SPTLC2: variants seen among roughly 807,000 people sequenced by gnomAD.
The protein encoded by SPTLC2 is serine palmitoyltransferase 2.
Under a neutral mutation model 62.0 loss-of-function variants are expected in SPTLC2, and 21 were observed. That is an observed-to-expected ratio of 0.34 (90% CI 0.24 to 0.49). SPTLC2 has a LOEUF of 0.49. Among genes scored for constraint, SPTLC2 ranks in the 20% least tolerant of loss-of-function variants. The pLI is 0.99. For synonymous variants in SPTLC2, 261 were observed against 261.8 expected, an observed-to-expected ratio of 1.00 and a Z score of 0.03; for missense variants, 511 against 713.0, an observed-to-expected ratio of 0.72 and a Z score of 3.23.
Position 77,557,135 on chromosome 14 carries a change from G to C in SPTLC2, c.862C>G (p.Leu288Val). The C allele has an allele frequency of 6.2e-7, 1 of 1,613,342 alleles. No individual in the cohort carries two copies. The change falls in exon 7 of 12, where the codon CTA (leucine) becomes GTA (valine). Residue 288 changes from leucine (L) to valine (V), a missense_variant. Leu to Val is a conservative substitution (Grantham distance 32). Coordinates refer to ENST00000216484, the MANE Select transcript of SPTLC2 (RefSeq NM_004863.4). The stretch of plus-strand genomic sequence containing the variant: ...ATGGCATCTTTCAATAGCTTCTCTA[G>C]GCTTTGCATATCTACAGAGCACAAA... ...RIFKHNNMQS[L>V]EKLLKDAIVY...
At chr14:77,568,351 C>T (rs1484515246) in intron 5 of SPTLC2, among the ~76,000 whole-genome samples, 1 of 152,120 alleles carries the variant, frequency 6.6e-6, no homozygotes, top group African/African-American at 2.4e-5. Flanking sequence ...TTCAAATTTA[C>T]CAAAACTGGC....
intron 6 of SPTLC2, chr14:77,557,402 C>A: frequency 2.0e-6 from 1 of 488,924 alleles, no homozygotes; most frequent in Non-Finnish European, 3.7e-6. Context: ...CATTAGCTTC[C>A]TTATAAAATG....
intron 9 of SPTLC2, among the ~76,000 whole-genome samples, chr14:77,550,078 AAGGAG>A (rs2079548079): frequency 6.6e-6 from 1 of 152,208 alleles, no homozygotes; most frequent in Non-Finnish European, 1.5e-5. Flanking sequence ...ACCACATCAG[AAGGAG>A]AGGAGATATA....
Position 77,548,372 on chromosome 14 carries a change from C to T in SPTLC2, c.1303+3724G>A, listed in dbSNP as rs17105963. Reference sequence around the variant, plus strand: ...GCTATGCATGTTATTATTAACTACACCTTTGGACAGAAATAAAATACATCA... The same window carrying T: ...GCTATGCATGTTATTATTAACTACATCTTTGGACAGAAATAAAATACATCA... On this transcript the variant is annotated intron_variant, in intron 9 of 11. Coordinates refer to ENST00000216484, the MANE Select transcript of SPTLC2 (RefSeq NM_004863.4). Among the ~76,000 whole-genome samples, 726 of 152,238 alleles carry T rather than the reference C, an allele frequency of 4.8e-3. 13 individuals carry two copies. The highest frequency in any genetic ancestry group is 0.038 in the East Asian group (197 of 5,182).
chr14:77,615,082 CA>C (rs1326990453), intron 1 of SPTLC2, among the ~76,000 whole-genome samples: 3 of 152,154 alleles, frequency 2.0e-5, no homozygotes, highest in Non-Finnish European at 4.4e-5. Context: ...TTCTATACCA[CA>C]ACAATTTTGT....
intron 9 of SPTLC2, among the ~76,000 whole-genome samples, chr14:77,543,924 T>C (rs28527479): frequency 6.6e-6 from 1 of 152,116 alleles, no homozygotes; most frequent in Non-Finnish European, 1.5e-5. Context: ...GTATCTTGAC[T>C]TCCAGTTTCT....
intron 1 of SPTLC2, among the ~76,000 whole-genome samples, chr14:77,611,458 C>CAAAAAA (rs34421039): frequency 6.3e-5 from 7 of 110,812 alleles, no homozygotes; most frequent in Admixed American, 2.0e-4. Flanking sequence ...CCTATCTCGC[C>CAAAAAA]AAAAAAAAAA....
chr14:77,614,612 C>T (rs916884739), intron 1 of SPTLC2, among the ~76,000 whole-genome samples: 2 of 150,644 alleles, frequency 1.3e-5, no homozygotes, highest in Non-Finnish European at 1.5e-5. Flanking sequence ...TGCAGTGAGC[C>T]GAGATCGCGC....
intron 4 of SPTLC2, among the ~76,000 whole-genome samples, chr14:77,571,790 G>A (rs1290179324): frequency 1.3e-5 from 2 of 152,008 alleles, no homozygotes; most frequent in Non-Finnish European, 2.9e-5. Context: ...ATACGTTTGA[G>A]CTTTTTTTCT....
At chr14:77,530,041 A>G (rs946795867) in intron 9 of SPTLC2, among the ~76,000 whole-genome samples, 1 of 152,192 alleles carries the variant, frequency 6.6e-6, no homozygotes, top group Non-Finnish European at 1.5e-5. Context: ...ATTAATTTAA[A>G]TTAAGAATTC....
intron 5 of SPTLC2, among the ~76,000 whole-genome samples, chr14:77,568,952 T>G (rs923182739): frequency 6.6e-6 from 1 of 152,230 alleles, no homozygotes; most frequent in African/African-American, 2.4e-5. Flanking sequence ...TACAATTTTT[T>G]GAATTGCAAA....
Position 77,597,291 on chromosome 14 carries a change from C to G in SPTLC2, c.222G>C (p.Thr74=). The G allele has an allele frequency of 6.2e-7, 1 of 1,614,186 alleles. No individual in the cohort carries two copies. The highest frequency in any genetic ancestry group is 8.5e-7 in the Non-Finnish European group (1 of 1,180,030). Residue 74 remains threonine, a synonymous_variant, in exon 2 of 12, where the codon ACG becomes ACC. Coordinates refer to ENST00000216484, the MANE Select transcript of SPTLC2 (RefSeq NM_004863.4). The part of the protein sequence containing the change: ...EETPMLVAVL[T]YVGYGVLTLF... Reference sequence around the variant, plus strand: ...GGGTGAGTACGCCATACCCCACATACGTGAGCACAGCAACCAGCATTGGTG... The same window carrying G: ...GGGTGAGTACGCCATACCCCACATAGGTGAGCACAGCAACCAGCATTGGTG...
At chr14:77,560,926 G>T (rs1248765463) in intron 6 of SPTLC2, among the ~76,000 whole-genome samples, 1 of 150,984 alleles carries the variant, frequency 6.6e-6, no homozygotes, top group Non-Finnish European at 1.5e-5. Context: ...GTACTATGCT[G>T]ATTACCTGGG....
intron 2 of SPTLC2, among the ~76,000 whole-genome samples, chr14:77,582,060 A>T (rs1352820230): frequency 6.6e-6 from 1 of 151,054 alleles, no homozygotes; most frequent in African/African-American, 2.4e-5. Flanking sequence ...TAAAAAAAAA[A>T]ATTTTTTTTT....
intron 11 of SPTLC2, among the ~76,000 whole-genome samples, chr14:77,514,198 A>C (rs2079347891): frequency 6.6e-6 from 1 of 152,182 alleles, no homozygotes; most frequent in Admixed American, 6.5e-5. Context: ...ATAATAAGAC[A>C]AAAGTGCACA....
At position 77,515,542 on chromosome 14, in the gene SPTLC2, CTT is replaced by C. The variant is rs71128633; in HGVS notation, c.1569+2494_1569+2495del. On this transcript the variant is annotated intron_variant, in intron 11 of 11. Transcript: ENST00000216484. ...AATTAGCCAGTGTACAAGGGAAAGG[CTT>C]TTTTTTTTTTTTTTTTTTTTTTTGA... is the stretch of plus-strand genomic sequence containing the variant. Among the ~76,000 whole-genome samples the C allele has an allele frequency of 8.0e-3, 994 of 124,256 alleles. 3 individuals are homozygous for C. Among genetic ancestry groups the C allele is most frequent in the African/African-American group, 0.029 (824 of 28,264 alleles). The allele number at this position is 124,256 out of a possible 152,430, so 81.5% of individuals were successfully genotyped here. A position where few individuals can be genotyped will look rare whatever the true frequency, so the allele number is the denominator to read the frequency against.
intron 5 of SPTLC2, 70 bp downstream of exon 5, chr14:77,570,310 GCTCA>G: frequency 6.4e-7 from 1 of 1,574,032 alleles, no homozygotes; most frequent in Non-Finnish European, 8.7e-7. Context: ...ACAGCTTTTA[GCTCA>G]CTCTGACTGC....
At chr14:77,575,739 C>T (rs1234461110) in intron 4 of SPTLC2, among the ~76,000 whole-genome samples, 1 of 152,192 alleles carries the variant, frequency 6.6e-6, no homozygotes, top group Non-Finnish European at 1.5e-5. Context: ...CACCATGTTG[C>T]TCAGACTGGT....
At chr14:77,594,414 A>G (rs1483506921) in intron 2 of SPTLC2, among the ~76,000 whole-genome samples, 3 of 152,190 alleles carry the variant, frequency 2.0e-5, no homozygotes, top group African/African-American at 7.2e-5. Flanking sequence ...GGTTTCATTC[A>G]TTCATCACAC....
Sources: gnomAD v4.1 joint callset for allele counts (sites outside exome capture counted in the v4.1 genomes callset) on GRCh38, gnomAD v4.1.1 for gene constraint, MANE v1.5 for transcripts, NCBI Gene and HGNC (gene_info 2026-07-23, HGNC 2026-07-21) for gene names.